The following USP49 variants were observed in gnomAD, a reference collection of about 807,000 sequenced individuals.
USP49 encodes the protein ubiquitin carboxyl-terminal hydrolase 49.
Under a neutral mutation model 58.6 loss-of-function variants are expected in USP49, and 24 were observed. That is an observed-to-expected ratio of 0.41 (90% CI 0.30 to 0.58). USP49 has a LOEUF of 0.58. USP49 is among the 20% of genes least tolerant of loss of function. USP49 has a pLI of 0.30. For synonymous variants in USP49, 408 were observed against 365.1 expected (o/e 1.12, Z -1.34); for missense variants, 703 against 866.1 (o/e 0.81, Z 2.36).
At chr6:41,879,921 C>T (rs1217617101) in intron 2 of USP49, among the ~76,000 whole-genome samples, 3 of 152,166 alleles carry the variant, frequency 2.0e-5, no homozygotes, top group Non-Finnish European at 4.4e-5. Context: ...GCAAATCCAG[C>T]TTTCAGTTTT....
intron 2 of USP49, among the ~76,000 whole-genome samples, chr6:41,873,584 A>G (rs777003303): frequency 1.3e-5 from 2 of 152,212 alleles, no homozygotes; most frequent in East Asian, 1.9e-4. Flanking sequence ...ATGTCCCCCA[A>G]ATGACCCTAC....
chr6:41,859,496 T>C (rs1774183838), intron 3 of USP49, among the ~76,000 whole-genome samples: 1 of 152,216 alleles, frequency 6.6e-6, no homozygotes, highest in Non-Finnish European at 1.5e-5. Flanking sequence ...TACTTTCCCT[T>C]ATTCAGCATC....
intron 2 of USP49, among the ~76,000 whole-genome samples, chr6:41,872,305 G>A (rs1774423701): frequency 6.6e-6 from 1 of 152,206 alleles, no homozygotes; most frequent in Non-Finnish European, 1.5e-5. Flanking sequence ...TCTCTATTGT[G>A]TCATCCTAAC....
chr6:41,839,692 C>T (rs1479637484), intron 3 of USP49, among the ~76,000 whole-genome samples: 1 of 152,048 alleles, frequency 6.6e-6, no homozygotes, highest in Non-Finnish European at 1.5e-5. Context: ...ATGGCATTTG[C>T]AGCAACCTGG....
intron 5 of USP49, among the ~76,000 whole-genome samples, chr6:41,802,428 T>TTTTATTTATTTA (rs1554142793): frequency 8.5e-5 from 9 of 106,434 alleles, no homozygotes; most frequent in South Asian, 3.1e-4. Context: ...TTTTATTTTA[T>TTTTATTTATTTA]TTTATTTATT....
At chr6:41,855,932 C>T (rs987545878) in intron 3 of USP49, among the ~76,000 whole-genome samples, 5 of 151,982 alleles carry the variant, frequency 3.3e-5, no homozygotes, top group African/African-American at 1.2e-4. Flanking sequence ...CCTGTAATCC[C>T]AGCTACTAGG....
At chr6:41,840,190 C>T (rs1773799139) in intron 3 of USP49, among the ~76,000 whole-genome samples, 1 of 151,348 alleles carries the variant, frequency 6.6e-6, no homozygotes, top group Non-Finnish European at 1.5e-5. Context: ...CTGGCTAACA[C>T]GGTGAAACCC....
chr6:41,807,780 A>ATTTT, intron 3 of USP49, among the ~76,000 whole-genome samples: 1 of 141,276 alleles, frequency 7.1e-6, no homozygotes, highest in East Asian at 2.1e-4. Context: ...TTTTTTATGT[A>ATTTT]TTTTTTTTTT....
At chr6:41,863,961 G>A (rs1312141066) in intron 3 of USP49, among the ~76,000 whole-genome samples, 2 of 146,450 alleles carry the variant, frequency 1.4e-5, no homozygotes, top group South Asian at 2.1e-4. Flanking sequence ...GGTAGAGACA[G>A]TTTCACTGTG....
At chr6:41,834,975 T>C (rs1367565231) in intron 3 of USP49, among the ~76,000 whole-genome samples, 1 of 152,032 alleles carries the variant, frequency 6.6e-6, no homozygotes, top group Non-Finnish European at 1.5e-5. Flanking sequence ...AAGAAAAAAA[T>C]AATGTTAAGA....
intron 2 of USP49, among the ~76,000 whole-genome samples, chr6:41,872,016 A>G (rs1774419442): frequency 6.6e-6 from 1 of 152,248 alleles, no homozygotes; most frequent in African/African-American, 2.4e-5. Flanking sequence ...AGCTAAAATT[A>G]TTTTTGCGTA....
chr6:41,853,195 AG>A (rs892707549), intron 3 of USP49, among the ~76,000 whole-genome samples: 3 of 152,196 alleles, frequency 2.0e-5, no homozygotes, highest in Admixed American at 6.5e-5. Context: ...TCAAAAAAAA[AG>A]AGCTGGGGGG....
At chr6:41,851,644 G>A (rs1774029597) in intron 3 of USP49, among the ~76,000 whole-genome samples, 1 of 152,088 alleles carries the variant, frequency 6.6e-6, no homozygotes, top group South Asian at 2.1e-4. Flanking sequence ...GTGCAATTAG[G>A]CAAATTGGAA....
chr6:41,810,452 G>A (rs1182543044), intron 3 of USP49, among the ~76,000 whole-genome samples: 2 of 150,878 alleles, frequency 1.3e-5, no homozygotes, highest in Admixed American at 6.6e-5. Context: ...TTGTGCCATC[G>A]CACTCCAGCC....
At chr6:41,802,468 A>ATTTTTTTTTTTT (rs1178634996) in intron 5 of USP49, among the ~76,000 whole-genome samples, 2 of 73,924 alleles carry the variant, frequency 2.7e-5, no homozygotes, top group Admixed American at 1.6e-4. Context: ...TTATTTATTT[A>ATTTTTTTTTTTT]TTTTTTATTT....
At chr6:41,830,840 T>A (rs11756454) in intron 3 of USP49, among the ~76,000 whole-genome samples, 57,935 of 150,390 alleles carry the variant, frequency 0.39, 11,951 homozygotes, top group South Asian at 0.48. Context: ...AAAAAAAAAA[T>A]TTAGGAAAGC....
At chr6:41,862,965 T>C (rs1218479604) in intron 3 of USP49, among the ~76,000 whole-genome samples, 2 of 152,056 alleles carry the variant, frequency 1.3e-5, no homozygotes, top group Non-Finnish European at 2.9e-5. Context: ...TTATTAGAGA[T>C]GGGGTTTCGC....
At chr6:41,805,597 C>A in intron 4 of USP49, 31 bp downstream of exon 4, 1 of 1,585,254 alleles carries the variant, frequency 6.3e-7, no homozygotes, top group South Asian at 1.1e-5. Flanking sequence ...AACATACAAG[C>A]CTCTCATTGT....
chr6:41,827,234 T>G (rs1455933552), intron 3 of USP49, among the ~76,000 whole-genome samples: 2 of 152,170 alleles, frequency 1.3e-5, no homozygotes, highest in African/African-American at 4.8e-5. Context: ...TGAGAACCTT[T>G]AGAGATAAGG....
Sources: allele counts gnomAD v4.1 joint callset (sites outside exome capture counted in the v4.1 genomes callset), GRCh38; gene constraint gnomAD v4.1.1; transcripts MANE v1.5; gene names NCBI Gene and HGNC (gene_info 2026-07-23, HGNC 2026-07-21).